Variants in CNTLN observed in about 807,000 individuals in gnomAD.
The protein encoded by CNTLN is centlein, centrosomal protein.
A neutral mutation model predicts 180.0 loss-of-function variants in CNTLN; 212 were observed. That is an observed-to-expected ratio of 1.18 (90% CI 1.05 to 1.32). The LOEUF is 1.32. Among genes scored for constraint, CNTLN ranks in the 40% most tolerant of loss-of-function variants. The pLI is 0.00. For missense variants in CNTLN, 2,095 were observed against 1,610.9 expected (o/e 1.30, Z -5.14); for synonymous variants, 722 against 563.1 (o/e 1.28, Z -3.99).
intron 13 of CNTLN, among the ~76,000 whole-genome samples, chr9:17,370,473 C>G (rs531367367): frequency 2.0e-5 from 3 of 152,218 alleles, no homozygotes; most frequent in Admixed American, 2.0e-4. Context: ...CAAAAATATC[C>G]TTCAAACATG....
At chr9:17,170,866 T>G (rs988296213) in intron 2 of CNTLN, among the ~76,000 whole-genome samples, 1 of 152,196 alleles carries the variant, frequency 6.6e-6, no homozygotes, top group East Asian at 1.9e-4. Flanking sequence ...CTGTACTTTT[T>G]CTATGTTTAG....
At chr9:17,269,718 A>G (rs1265700872) in intron 5 of CNTLN, among the ~76,000 whole-genome samples, 1 of 152,148 alleles carries the variant, frequency 6.6e-6, no homozygotes, top group Admixed American at 6.5e-5. Flanking sequence ...ATTAAGATGA[A>G]TGTATATTCT....
At chr9:17,349,411 C>A (rs1274475473) in intron 12 of CNTLN, among the ~76,000 whole-genome samples, 1 of 151,870 alleles carries the variant, frequency 6.6e-6, no homozygotes, top group Non-Finnish European at 1.5e-5. Flanking sequence ...AGGTTAGAAT[C>A]TACAAAAAAA....
At chr9:17,330,858 A>C in intron 9 of CNTLN, 50 bp downstream of exon 9, 1 of 1,509,896 alleles carries the variant, frequency 6.6e-7, no homozygotes, top group Non-Finnish European at 9.0e-7. Flanking sequence ...GGCTGGAAAG[A>C]CAAGAGATGA....
rs1165479030 is a variant in CNTLN at position 17,262,485 on chromosome 9, A to T, written c.850-11248A>T. On this transcript the variant is annotated intron_variant, in intron 5 of 25. Coordinates refer to ENST00000380647, the MANE Select transcript of CNTLN (RefSeq NM_017738.4). ...CAAACTAACACAGGAACAGAAAACC[A>T]GCACTGCATGTTCTCACTCATAAGT... 2.0e-5 allele frequency among the ~76,000 whole-genome samples: 3 copies of T among 151,516 alleles called. No homozygotes were observed. In the East Asian group the frequency reaches 5.8e-4, roughly 29 times the overall value.
At chr9:17,514,928 C>G in the CNTLN span, among the ~76,000 whole-genome samples, 1 of 152,176 alleles carries the variant, frequency 6.6e-6, no homozygotes, top group Non-Finnish European at 1.5e-5. Context: ...AGGATAGAAG[C>G]CATGTGCTAG....
chr9:17,240,103 T>G (rs1167358060), intron 5 of CNTLN, among the ~76,000 whole-genome samples: 1 of 147,796 alleles, frequency 6.8e-6, no homozygotes, highest in Non-Finnish European at 1.5e-5. Flanking sequence ...CAACATGTGA[T>G]GTTTTCCACT....
At chr9:17,207,967 G>C (rs962497241) in intron 2 of CNTLN, among the ~76,000 whole-genome samples, 11 of 151,864 alleles carry the variant, frequency 7.2e-5, no homozygotes, top group Non-Finnish European at 1.3e-4. Context: ...TCATTCTCTT[G>C]TCTGATTGCT....
chr9:17,136,260 T>A (rs1817709671), intron 1 of CNTLN, among the ~76,000 whole-genome samples: 1 of 152,190 alleles, frequency 6.6e-6, no homozygotes, highest in South Asian at 2.1e-4. Flanking sequence ...GATCTTTAAG[T>A]CACTCTGTCT....
At chr9:17,373,689 A>G (rs1824517371) in intron 13 of CNTLN, among the ~76,000 whole-genome samples, 1 of 152,180 alleles carries the variant, frequency 6.6e-6, no homozygotes, top group Non-Finnish European at 1.5e-5. Flanking sequence ...GTAAACAAAA[A>G]GAACAAAACT....
intron 18 of CNTLN, among the ~76,000 whole-genome samples, chr9:17,420,160 C>G (rs1334393885): frequency 2.0e-5 from 3 of 152,150 alleles, no homozygotes; most frequent in Non-Finnish European, 4.4e-5. Context: ...CATGATCCAC[C>G]CACACCAGCC....
intron 18 of CNTLN, among the ~76,000 whole-genome samples, chr9:17,417,959 G>T (rs951758443): frequency 4.6e-5 from 7 of 151,920 alleles, no homozygotes; most frequent in African/African-American, 1.7e-4. Flanking sequence ...TTTAGAGAGA[G>T]TATAGTATAG....
chr9:17,443,134 G>C (rs1830205380), intron 18 of CNTLN, among the ~76,000 whole-genome samples: 1 of 152,140 alleles, frequency 6.6e-6, no homozygotes, highest in Non-Finnish European at 1.5e-5. Flanking sequence ...ATCATTGTTT[G>C]TCTTTGATGT....
intron 18 of CNTLN, among the ~76,000 whole-genome samples, chr9:17,432,849 G>A (rs573214381): frequency 1.6e-4 from 24 of 151,702 alleles, no homozygotes; most frequent in East Asian, 5.8e-4. Context: ...GCAAAACCCC[G>A]TCCCTACTAA....
At chr9:17,483,649 G>T (rs551138479) in intron 23 of CNTLN, among the ~76,000 whole-genome samples, 2 of 152,200 alleles carry the variant, frequency 1.3e-5, no homozygotes. Flanking sequence ...CGTAGGTGTG[G>T]TATGGGCTAG....
At chr9:17,240,226 G>A (rs1053032415) in intron 5 of CNTLN, among the ~76,000 whole-genome samples, 20 of 151,914 alleles carry the variant, frequency 1.3e-4, no homozygotes, top group African/African-American at 2.7e-4. Flanking sequence ...TATTGTAATC[G>A]GAACTGTTTT....
At chr9:17,219,751 C>T (rs1452471948) in intron 2 of CNTLN, among the ~76,000 whole-genome samples, 1 of 152,018 alleles carries the variant, frequency 6.6e-6, no homozygotes, top group African/African-American at 2.4e-5. Flanking sequence ...AAAACAGAAT[C>T]CTGGGTGGCT....
intron 25 of CNTLN, among the ~76,000 whole-genome samples, chr9:17,495,752 C>T (rs1037039630): frequency 6.6e-6 from 1 of 152,166 alleles, no homozygotes; most frequent in African/African-American, 2.4e-5. Flanking sequence ...CACTGACTCG[C>T]CCAGAGCAAC....
intron 5 of CNTLN, among the ~76,000 whole-genome samples, chr9:17,272,566 C>T (rs1828027903): frequency 6.6e-6 from 1 of 152,142 alleles, no homozygotes; most frequent in Admixed American, 6.6e-5. Flanking sequence ...TTCTTTCCAG[C>T]CTGAGGCATC....
Sources: allele counts gnomAD v4.1 joint callset (sites outside exome capture counted in the v4.1 genomes callset), GRCh38; gene constraint gnomAD v4.1.1; transcripts MANE v1.5; gene names NCBI Gene and HGNC (gene_info 2026-07-23, HGNC 2026-07-21).